Variants in PDE1C observed in about 807,000 individuals in gnomAD.
PDE1C encodes the protein dual specificity calcium/calmodulin-dependent 3',5'-cyclic nucleotide phosphodiesterase 1C.
In PDE1C, 62 loss-of-function variants were observed where a neutral mutation model predicts 93.1. The ratio of observed to expected loss-of-function variants is 0.67; its 90% CI spans 0.54 to 0.82. The LOEUF is 0.82. PDE1C is among the 40% of genes least tolerant of loss of function. The pLI is 0.00. For missense variants in PDE1C, 742 were observed against 884.6 expected (o/e 0.84, Z 2.04); for synonymous variants, 325 against 310.1 (o/e 1.05, Z -0.50).
At position 31,830,660 on chromosome 7, in the gene PDE1C, T is replaced by C. The variant is rs147996840; in HGVS notation, c.1204-2287A>G. On this transcript the variant is annotated intron_variant, in intron 11 of 17. Coordinates refer to ENST00000396191, the MANE Select transcript of PDE1C (RefSeq NM_001191057.4). ...TATTCTTCTCCTCCTCCATTTCCTG[T>C]CTACACAGCTAGACCCCATTGCCTA... Among the ~76,000 whole-genome samples the C allele has an allele frequency of 3.2e-3, 488 of 152,268 alleles. 3 individuals carry two copies. The highest frequency in any genetic ancestry group is 0.011 in the African/African-American group (464 of 41,560).
intron 16 of PDE1C, among the ~76,000 whole-genome samples, chr7:31,777,751 A>C (rs1005196645): frequency 6.6e-6 from 1 of 151,264 alleles, no homozygotes; most frequent in Non-Finnish European, 1.5e-5. Flanking sequence ...CAGTAGTAGT[A>C]AAAATAGAAA....
intron 1 of PDE1C, among the ~76,000 whole-genome samples, chr7:32,216,675 T>C (rs565111523): frequency 6.6e-6 from 1 of 152,334 alleles, no homozygotes; most frequent in South Asian, 2.1e-4. Context: ...CATCCAGTCA[T>C]GGTCCCTGCC....
At position 31,814,081 on chromosome 7, in the gene PDE1C, TACACACACAC is replaced by T. The variant is rs141676874; in HGVS notation, c.1813+1833_1813+1842del. Reference sequence around the variant, plus strand: ...ACACACGCACGCGTGCATATATATGTACACACACACACACACACACATATATCACAATTTC... The same window carrying T: ...ACACACGCACGCGTGCATATATATGTACACACACACATATATCACAATTTC... On this transcript the variant is annotated intron_variant, in intron 15 of 17. Coordinates refer to ENST00000396191, the MANE Select transcript of PDE1C (RefSeq NM_001191057.4). Among the ~76,000 whole-genome samples the T allele has an allele frequency of 2.4e-3, 356 of 149,532 alleles. 2 individuals are homozygous for T. The highest frequency in any genetic ancestry group is 8.2e-3 in the African/African-American group (335 of 40,898).
chr7:32,222,238 A>T (rs1806922129), intron 1 of PDE1C, among the ~76,000 whole-genome samples: 1 of 152,232 alleles, frequency 6.6e-6, no homozygotes, highest in Admixed American at 6.5e-5. Flanking sequence ...TCGCATCGTT[A>T]CCAACTGGCT....
chr7:32,421,228 G>C (rs10273165), intron 1 of PDE1C, among the ~76,000 whole-genome samples: 1 of 152,050 alleles, frequency 6.6e-6, no homozygotes, highest in Admixed American at 6.5e-5. Flanking sequence ...ACCCTCTAAG[G>C]CCACATGAAC....
chr7:32,199,144 AC>A (rs1368905082), intron 2 of PDE1C, among the ~76,000 whole-genome samples: 2 of 151,858 alleles, frequency 1.3e-5, no homozygotes, highest in African/African-American at 4.8e-5. Context: ...AAAAAAAAAA[AC>A]AAAACACTAA....
At chr7:32,262,108 C>T (rs957077064) in intron 1 of PDE1C, among the ~76,000 whole-genome samples, 1 of 151,310 alleles carries the variant, frequency 6.6e-6, no homozygotes, top group Non-Finnish European at 1.5e-5. Flanking sequence ...CTGATTCACC[C>T]CCACTGGATG....
At chr7:31,869,591 A>C (rs894271851) in intron 6 of PDE1C, among the ~76,000 whole-genome samples, 74 of 152,172 alleles carry the variant, frequency 4.9e-4, no homozygotes, top group African/African-American at 1.7e-3. Flanking sequence ...AAACATACAC[A>C]CACCCAAAAG....
the PDE1C span, among the ~76,000 whole-genome samples, chr7:31,661,197 C>T: frequency 6.6e-6 from 1 of 151,998 alleles, no homozygotes; most frequent in African/African-American, 2.4e-5. Flanking sequence ...AGCCTGATGC[C>T]TATTTTGAGC....
At chr7:31,913,776 T>C (rs1355574985) in intron 2 of PDE1C, among the ~76,000 whole-genome samples, 1 of 152,154 alleles carries the variant, frequency 6.6e-6, no homozygotes, top group Non-Finnish European at 1.5e-5. Context: ...AGTTCTCCAA[T>C]CCCAGCCTCA....
At chr7:31,896,057 C>A (rs1467547763) in intron 2 of PDE1C, among the ~76,000 whole-genome samples, 1 of 148,694 alleles carries the variant, frequency 6.7e-6, no homozygotes, top group Non-Finnish European at 1.5e-5. Flanking sequence ...CCCCATCACC[C>A]AGCAGGGTGA....
intron 6 of PDE1C, among the ~76,000 whole-genome samples, chr7:31,870,316 T>C (rs1378722167): frequency 2.0e-5 from 3 of 151,524 alleles, no homozygotes; most frequent in Non-Finnish European, 3.0e-5. Flanking sequence ...ATGAGAAAAG[T>C]TGTTTTTTTG....
chr7:31,931,215 A>T lies in PDE1C; in HGVS notation c.129-50355T>A, dbSNP rs113720829. ...CCCTCTCTCACCACTCCTTTTCAAC[A>T]TAGTATTGGAAGGTCTGGTCAGGGC... On this transcript the variant is annotated intron_variant, in intron 2 of 17. Coordinates refer to ENST00000396191, the MANE Select transcript of PDE1C (RefSeq NM_001191057.4). Among the ~76,000 whole-genome samples, 1,359 of 152,278 alleles carry T rather than the reference A, an allele frequency of 8.9e-3. 20 individuals are homozygous for T. The highest frequency in any genetic ancestry group is 0.031 in the African/African-American group (1,273 of 41,540).
chr7:32,405,274 G>A (rs1264864944), intron 1 of PDE1C, among the ~76,000 whole-genome samples: 1 of 139,394 alleles, frequency 7.2e-6, no homozygotes, highest in African/African-American at 2.7e-5. Flanking sequence ...TTTTTGAGAT[G>A]GAATTTCACT....
chr7:32,184,872 G>C (rs1238830362), intron 2 of PDE1C, among the ~76,000 whole-genome samples: 1 of 152,196 alleles, frequency 6.6e-6, no homozygotes, highest in Non-Finnish European at 1.5e-5. Flanking sequence ...AACACTTTGG[G>C]AGGCTGAGGT....
At chr7:31,984,538 C>T (rs977538554) in intron 2 of PDE1C, among the ~76,000 whole-genome samples, 4 of 152,164 alleles carry the variant, frequency 2.6e-5, no homozygotes, top group African/African-American at 7.2e-5. Flanking sequence ...ACAAAGGTAT[C>T]ACTCTTTCAT....
chr7:32,400,156 A>G (rs1336679463), intron 1 of PDE1C, among the ~76,000 whole-genome samples: 1 of 152,200 alleles, frequency 6.6e-6, no homozygotes, highest in Admixed American at 6.5e-5. Flanking sequence ...ACACCGTATT[A>G]TTATTAATTC....
chr7:32,278,716 C>A (rs1450945816), intron 1 of PDE1C, among the ~76,000 whole-genome samples: 1 of 152,160 alleles, frequency 6.6e-6, no homozygotes, highest in African/African-American at 2.4e-5. Flanking sequence ...AAGTTATGAT[C>A]CAGTAATTTT....
chr7:32,313,972 AGCT>A (rs1256883737), intron 1 of PDE1C, among the ~76,000 whole-genome samples: 1 of 152,136 alleles, frequency 6.6e-6, no homozygotes, highest in Non-Finnish European at 1.5e-5. Flanking sequence ...ATTCCTAAGT[AGCT>A]GCTATTTTGT....
Sources: gnomAD v4.1 joint callset for allele counts (sites outside exome capture counted in the v4.1 genomes callset) on GRCh38, gnomAD v4.1.1 for gene constraint, MANE v1.5 for transcripts, NCBI Gene and HGNC (gene_info 2026-07-23, HGNC 2026-07-21) for gene names.